CSMD1: variants seen among roughly 807,000 people sequenced by gnomAD.
CSMD1 encodes the protein CUB and sushi domain-containing protein 1.
A neutral mutation model predicts 417.5 loss-of-function variants in CSMD1; 213 were observed. The ratio of observed to expected loss-of-function variants is 0.51; its 90% CI spans 0.46 to 0.57. The LOEUF is 0.57. CSMD1 is among the 20% of genes least tolerant of loss of function. CSMD1 has a pLI of 0.00. For synonymous variants in CSMD1, 2,862 were observed against 1,736.8 expected (o/e 1.65, Z -16.11); for missense variants, 6,923 against 4,529.7 (o/e 1.53, Z -15.17).
At chr8:4,724,800 T>C (rs1358259315) in intron 1 of CSMD1, among the ~76,000 whole-genome samples, 1 of 152,078 alleles carries the variant, frequency 6.6e-6, no homozygotes, top group Non-Finnish European at 1.5e-5. Flanking sequence ...GTAGTATGAA[T>C]CAAGTTGATA....
chr8:4,684,087 A>T (rs1170888915), intron 1 of CSMD1, among the ~76,000 whole-genome samples: 2 of 152,202 alleles, frequency 1.3e-5, no homozygotes, highest in African/African-American at 4.8e-5. Flanking sequence ...AATCCAGGGA[A>T]TTTTGTACAA....
intron 11 of CSMD1, among the ~76,000 whole-genome samples, chr8:3,474,225 T>A (rs1817279634): frequency 1.3e-5 from 2 of 152,106 alleles, no homozygotes; most frequent in Admixed American, 1.3e-4. Context: ...AATGAGCTGG[T>A]TGGAAAAGGA....
At chr8:4,045,927 T>A (rs1798125298) in intron 3 of CSMD1, among the ~76,000 whole-genome samples, 1 of 152,172 alleles carries the variant, frequency 6.6e-6, no homozygotes, top group South Asian at 2.1e-4. Context: ...ACATATTTTC[T>A]GGAAAAATAC....
At chr8:3,747,923 C>G (rs1397332809) in intron 6 of CSMD1, among the ~76,000 whole-genome samples, 1 of 152,066 alleles carries the variant, frequency 6.6e-6, no homozygotes, top group African/African-American at 2.4e-5. Flanking sequence ...CACTTCCCAG[C>G]CCTAGAAAAA....
intron 54 of CSMD1, among the ~76,000 whole-genome samples, chr8:2,987,155 T>G (rs1414279167): frequency 1.3e-5 from 2 of 152,062 alleles, no homozygotes; most frequent in Non-Finnish European, 2.9e-5. Context: ...ATAAACAGCT[T>G]ATATTAAGGG....
chr8:3,489,093 C>A (rs1169542257), intron 11 of CSMD1, among the ~76,000 whole-genome samples: 1 of 152,082 alleles, frequency 6.6e-6, no homozygotes, highest in South Asian at 2.1e-4. Context: ...ATAGTGTCTG[C>A]TTTTTAATGG....
chr8:4,273,616 G>A (rs181554691), intron 3 of CSMD1, among the ~76,000 whole-genome samples: 65 of 152,222 alleles, frequency 4.3e-4, no homozygotes, highest in African/African-American at 1.5e-3. Flanking sequence ...AATTAAATGA[G>A]GTTTTCTGTA....
intron 50 of CSMD1, among the ~76,000 whole-genome samples, chr8:3,035,349 A>G (rs1810606302): frequency 6.6e-6 from 1 of 152,208 alleles, no homozygotes; most frequent in African/African-American, 2.4e-5. Context: ...ACACTGAGAC[A>G]GAAAAGGAGG....
intron 2 of CSMD1, among the ~76,000 whole-genome samples, chr8:4,603,505 A>G (rs1800704120): frequency 6.6e-6 from 1 of 152,148 alleles, no homozygotes; most frequent in Non-Finnish European, 1.5e-5. Context: ...TATTAATCCT[A>G]TTTAAAAGAT....
chr8:3,416,885 T>G (rs1477114313), intron 12 of CSMD1, among the ~76,000 whole-genome samples: 3 of 152,248 alleles, frequency 2.0e-5, no homozygotes, highest in African/African-American at 7.2e-5. Flanking sequence ...CTTATGAAAG[T>G]TCTTTGTATA....
At chr8:4,327,543 A>G (rs1261377944) in intron 3 of CSMD1, among the ~76,000 whole-genome samples, 2 of 152,050 alleles carry the variant, frequency 1.3e-5, no homozygotes, top group African/African-American at 2.4e-5. Context: ...TCCAGCTCCA[A>G]TGTTGGCTTT....
chr8:3,792,362 A>T (rs534077628), intron 5 of CSMD1, among the ~76,000 whole-genome samples: 1 of 152,346 alleles, frequency 6.6e-6, no homozygotes, highest in Non-Finnish European at 1.5e-5. Context: ...CATGTACATT[A>T]TGATCATTAA....
At chr8:3,938,781 T>A (rs1395587082) in intron 5 of CSMD1, among the ~76,000 whole-genome samples, 1 of 152,190 alleles carries the variant, frequency 6.6e-6, no homozygotes, top group African/African-American at 2.4e-5. Flanking sequence ...ATGTGACACG[T>A]CAGATGAATC....
Position 2,978,838 on chromosome 8 carries a change from G to C in CSMD1, c.8378-38C>G, listed in dbSNP as rs773748653. 5 of 1,516,840 alleles carry C rather than the reference G, an allele frequency of 3.3e-6. No homozygotes were observed. The South Asian group carries it at 6.5e-5, about 20-fold the overall frequency. The allele number at this position is 1,516,840 out of a possible 1,614,324, so 94.0% of individuals were successfully genotyped here. A position where few individuals can be genotyped will look rare whatever the true frequency, so the allele number is the denominator to read the frequency against. The stretch of plus-strand genomic sequence containing the variant: ...ACATTTCACACACCATTTAGAAACA[G>C]CTAGAAATAACAACAAAATAGATCA... On this transcript the variant is annotated intron_variant, in intron 54 of 69. Transcript: ENST00000635120.
At chr8:4,105,740 C>T (rs767232612) in intron 3 of CSMD1, among the ~76,000 whole-genome samples, 10 of 152,184 alleles carry the variant, frequency 6.6e-5, no homozygotes, top group Non-Finnish European at 1.3e-4. Flanking sequence ...CTTTCTGGAT[C>T]GTAGTAAACA....
At chr8:4,492,026 T>C (rs1801728496) in intron 2 of CSMD1, among the ~76,000 whole-genome samples, 1 of 149,964 alleles carries the variant, frequency 6.7e-6, no homozygotes, top group Non-Finnish European at 1.5e-5. Context: ...TGGAATATTA[T>C]TCAGCAAAAA....
chr8:3,688,297 G>A (rs939878469), intron 7 of CSMD1, among the ~76,000 whole-genome samples: 3 of 152,162 alleles, frequency 2.0e-5, no homozygotes. Context: ...TAATAGAGGT[G>A]TAAAGGACCA....
intron 26 of CSMD1, among the ~76,000 whole-genome samples, chr8:3,276,520 A>G (rs1002837626): frequency 2.6e-5 from 4 of 152,166 alleles, no homozygotes; most frequent in South Asian, 2.1e-4. Context: ...CTTATTCACT[A>G]TCATGAGAAC....
intron 3 of CSMD1, among the ~76,000 whole-genome samples, chr8:4,050,248 T>G (rs560913623): frequency 5.5e-4 from 84 of 152,230 alleles, no homozygotes; most frequent in African/African-American, 2.0e-3. Context: ...ACTTCTGTAT[T>G]TTTACTTCCT....
Sources: gnomAD v4.1 joint callset for allele counts (sites outside exome capture counted in the v4.1 genomes callset) on GRCh38, gnomAD v4.1.1 for gene constraint, MANE v1.5 for transcripts, NCBI Gene and HGNC (gene_info 2026-07-23, HGNC 2026-07-21) for gene names.